Variants in MTOR observed in about 807,000 individuals in gnomAD.
The protein encoded by MTOR is serine/threonine-protein kinase mTOR.
MTOR carries 70 observed loss-of-function variants against 319.8 expected under a neutral mutation model. The observed-to-expected ratio is 0.22, with a 90% CI of 0.18 to 0.27. The LOEUF (loss-of-function observed/expected upper bound fraction) is 0.27, where lower values mean the gene tolerates loss of function less well. MTOR is among the 10% of genes least tolerant of loss of function. The pLI is 1.00. For synonymous variants in MTOR, 1,183 were observed against 1,211.4 expected, an observed-to-expected ratio of 0.98 and a Z score of 0.49; for missense variants, 1,890 against 3,274.4, an observed-to-expected ratio of 0.58 and a Z score of 10.32.
chr1:11,144,075 G>A (rs1031197813), intron 34 of MTOR: 6 of 152,272 alleles, frequency 3.9e-5, no homozygotes, highest in African/African-American at 7.2e-5. Flanking sequence ...CAATAGAGGC[G>A]ACAGGATGAC....
chr1:11,157,380 G>A lies in MTOR; in HGVS notation c.4330-89C>T, dbSNP rs193165460. ...CACATACTCTCTTTCCTAATGTGCT[G>A]CTGTACGCATGACACTTCACCTATC... On this transcript the variant is annotated intron_variant, in intron 29 of 57. Transcript: ENST00000361445. 1.5e-4 allele frequency: 222 copies of A among 1,464,946 alleles called. 1 individual carries two copies. In the East Asian group the frequency reaches 4.9e-3, roughly 32 times the overall value. The allele number at this position is 1,464,946 out of a possible 1,614,324, so 90.7% of individuals were successfully genotyped here.
At chr1:11,194,772 T>C in intron 28 of MTOR, 1 of 1,598,158 alleles carries the variant, frequency 6.3e-7, no homozygotes, top group Non-Finnish European at 8.5e-7. Flanking sequence ...TGGTATTCTT[T>C]CTGACCCTGG....
intron 13 of MTOR, among the ~76,000 whole-genome samples, chr1:11,237,318 A>T (rs1040587222): frequency 6.6e-6 from 1 of 152,164 alleles, no homozygotes; most frequent in Non-Finnish European, 1.5e-5. Context: ...TACGCTACAG[A>T]CCAAGCAGCT....
At chr1:11,213,264 T>C (rs1646366399) in intron 21 of MTOR, 135 bp downstream of exon 21, 1 of 849,380 alleles carries the variant, frequency 1.2e-6, no homozygotes. Context: ...CATTGGGTAT[T>C]AGTATTCTTG....
At chr1:11,156,151 C>A (rs1431822958) in intron 30 of MTOR, among the ~76,000 whole-genome samples, 1 of 152,076 alleles carries the variant, frequency 6.6e-6, no homozygotes, top group South Asian at 2.1e-4. Flanking sequence ...ACACCACGTC[C>A]AACTAATTGT....
chr1:11,210,990 T>C, intron 23 of MTOR, 84 bp from the exon 24 acceptor site: 1 of 766,246 alleles, frequency 1.3e-6, no homozygotes, highest in South Asian at 1.6e-5. Flanking sequence ...TACAACTACA[T>C]TATGACCATT....
chr1:11,189,988 G>A, intron 28 of MTOR: 3 of 1,572,360 alleles, frequency 1.9e-6, no homozygotes, highest in Non-Finnish European at 2.6e-6. Flanking sequence ...GGAGCGTGGA[G>A]TGCCTCCCCA....
At chr1:11,174,914 G>T (rs996370126) in intron 28 of MTOR, among the ~76,000 whole-genome samples, 2 of 152,160 alleles carry the variant, frequency 1.3e-5, no homozygotes, top group African/African-American at 4.8e-5. Flanking sequence ...GCTGATGCTG[G>T]TCTGGTGGAA....
At chr1:11,153,653 T>C (rs929962564) in intron 30 of MTOR, among the ~76,000 whole-genome samples, 46 of 152,174 alleles carry the variant, frequency 3.0e-4, no homozygotes, top group African/African-American at 1.1e-3. Context: ...GAGCTTTCTG[T>C]GATGATGGAA....
chr1:11,150,171 G>C lies in MTOR; in HGVS notation c.4525C>G (p.Gln1509Glu). 1 of 1,614,046 alleles carries C rather than the reference G, an allele frequency of 6.2e-7. No homozygotes were observed. The highest frequency in any genetic ancestry group is 8.5e-7 in the Non-Finnish European group (1 of 1,179,984). ...EKWTLVNDET[Q>E]AKMARMAAAA... ...GCAGCCATCCGGGCCATCTTGGCTT[G>C]GGTCTCATCATTAACCAGGGTCCAC... The change falls in exon 31 of 58, where the codon CAA becomes GAA. Residue 1509 changes from glutamine (Q) to glutamate (E), a missense_variant. This residue lies in a region of MTOR where 276 missense variants were observed against 459.4 expected (regional missense o/e 0.60). Transcript: ENST00000361445.
At chr1:11,119,824 A>G (rs560458193) in intron 49 of MTOR, among the ~76,000 whole-genome samples, 3 of 151,682 alleles carry the variant, frequency 2.0e-5, no homozygotes, top group East Asian at 3.9e-4. Context: ...AACTTTAAAG[A>G]AAAGGATTAA....
At chr1:11,164,634 A>G (rs1241614506) in intron 29 of MTOR, among the ~76,000 whole-genome samples, 1 of 152,232 alleles carries the variant, frequency 6.6e-6, no homozygotes, top group Non-Finnish European at 1.5e-5. Context: ...GTCCAGGACT[A>G]GACAGGTTCA....
chr1:11,204,817 G>A (rs1363237595), intron 25 of MTOR, 114 bp from the exon 26 acceptor site: 29 of 1,227,402 alleles, frequency 2.4e-5, no homozygotes, highest in Admixed American at 1.1e-4. Flanking sequence ...CATCTTTCAC[G>A]ATAAAATTCC....
rs1647856473 is a variant in MTOR at position 11,240,452 on chromosome 1, A to G, written c.1637T>C (p.Val546Ala). The part of the protein sequence containing the change: ...QDGLLKMLSL[V>A]LMHKPLRHPG... Reference sequence around the variant, plus strand: ...GTGGCGAAGGGGTTTGTGCATAAGGACCAGGGACAGCATTTTCAGTAGCCC... The same window carrying G: ...GTGGCGAAGGGGTTTGTGCATAAGGGCCAGGGACAGCATTTTCAGTAGCCC... The change falls in exon 11 of 58, where the codon GTC (valine) becomes GCC (alanine). Residue 546 changes from valine to alanine, a missense_variant. Physicochemically the swap from Val to Ala is moderately conservative, Grantham distance 64. This residue lies in a region of MTOR where 418 missense variants were observed against 543.1 expected (regional missense o/e 0.77). Coordinates refer to ENST00000361445, the MANE Select transcript of MTOR (RefSeq NM_004958.4). The G allele has an allele frequency of 1.2e-6, 2 of 1,614,098 alleles. No homozygotes were observed. Among genetic ancestry groups the G allele is most frequent in the African/African-American group, 2.7e-5 (2 of 74,934 alleles).
Position 11,117,041 on chromosome 1 carries a change from T to G in MTOR, c.6979A>C (p.Met2327Leu). The stretch of plus-strand genomic sequence containing the variant: ...CCTAAAATATACCCAACCATTGACA[T>G]GACCGCTAAAGAACGGGTATAATTG... ...RTNYTRSLAV[M>L]SMVGYILGLG... Residue 2327 changes from methionine to leucine, a missense_variant, in exon 50 of 58, where the codon ATG becomes CTG. By Grantham distance (15) the Met-to-Leu change is conservative. Around this residue, in one of 15 missense-constraint regions of MTOR, gnomAD observed 249 missense variants for 596.2 expected, o/e 0.42. Coordinates refer to ENST00000361445, the MANE Select transcript of MTOR (RefSeq NM_004958.4). 6.2e-7 allele frequency: 1 copy of G among 1,613,420 alleles called. No homozygotes were observed. Among genetic ancestry groups the G allele is most frequent in the African/African-American group, 1.3e-5 (1 of 75,020 alleles).
intron 28 of MTOR, among the ~76,000 whole-genome samples, chr1:11,179,912 T>C (rs916907193): frequency 6.6e-6 from 1 of 152,198 alleles, no homozygotes; most frequent in Non-Finnish European, 1.5e-5. Flanking sequence ...GTTTGGAATG[T>C]GGTTTTTTGT....
chr1:11,228,446 C>T (rs954533327), intron 19 of MTOR, among the ~76,000 whole-genome samples: 5 of 152,148 alleles, frequency 3.3e-5, no homozygotes, highest in Non-Finnish European at 5.9e-5. Flanking sequence ...ACTTCGGCCT[C>T]CCAAAGTGCT....
intron 29 of MTOR, among the ~76,000 whole-genome samples, chr1:11,164,377 AT>A (rs1644575977): frequency 6.6e-6 from 1 of 151,716 alleles, no homozygotes; most frequent in Admixed American, 6.6e-5. Flanking sequence ...GAAGAATCAA[AT>A]ATCAAAAAGG....
intron 1 of MTOR, 53 bp from the exon 2 acceptor site, chr1:11,259,476 T>C (rs1650833463): frequency 2.0e-6 from 3 of 1,492,066 alleles, no homozygotes; most frequent in Non-Finnish European, 2.7e-6. Context: ...TGATGATAAA[T>C]TTACTTATGG....
Sources: gnomAD v4.1 joint callset for allele counts (sites outside exome capture counted in the v4.1 genomes callset) on GRCh38, gnomAD v4.1.1 for gene constraint, gnomAD v4.1.1 regional missense constraint, MANE v1.5 for transcripts, NCBI Gene and HGNC (gene_info 2026-07-23, HGNC 2026-07-21) for gene names.